MSRB3: variants seen among roughly 807,000 people sequenced by gnomAD.
MSRB3 encodes methionine sulfoxide reductase B3.
Under a neutral mutation model 21.0 loss-of-function variants are expected in MSRB3, and 13 were observed. That is an observed-to-expected ratio of 0.62 (90% CI 0.40 to 0.98). MSRB3 has a LOEUF of 0.98. MSRB3 is among the 50% of genes least tolerant of loss of function. The pLI is 0.00. For missense variants in MSRB3, 199 were observed against 230.3 expected, an observed-to-expected ratio of 0.86 and a Z score of 0.88; for synonymous variants, 87 against 88.6, an observed-to-expected ratio of 0.98 and a Z score of 0.10.
At chr12:65,311,227 A>G (rs1873965922) in intron 2 of MSRB3, among the ~76,000 whole-genome samples, 1 of 152,144 alleles carries the variant, frequency 6.6e-6, no homozygotes, top group Admixed American at 6.6e-5. Flanking sequence ...CTATAAATAT[A>G]CAAGAGATTT....
At chr12:65,385,763 G>A (rs1295012824) in intron 5 of MSRB3, among the ~76,000 whole-genome samples, 1 of 151,902 alleles carries the variant, frequency 6.6e-6, no homozygotes, top group Non-Finnish European at 1.5e-5. Context: ...TATATTTGGT[G>A]TTACTTCTGC....
intron 5 of MSRB3, among the ~76,000 whole-genome samples, chr12:65,428,884 C>T (rs1261924294): frequency 6.6e-6 from 1 of 152,118 alleles, no homozygotes; most frequent in African/African-American, 2.4e-5. Flanking sequence ...CTTGGAATAT[C>T]CTTTTTTTCC....
At chr12:65,454,173 G>T in intron 6 of MSRB3, 1 of 391,972 alleles carries the variant, frequency 2.6e-6, no homozygotes, top group African/African-American at 8.9e-5. Context: ...TGTAGTTCTA[G>T]CTACTCAGGG....
At chr12:65,345,587 T>C (rs943256679) in intron 4 of MSRB3, among the ~76,000 whole-genome samples, 1 of 152,136 alleles carries the variant, frequency 6.6e-6, no homozygotes, top group East Asian at 1.9e-4. Flanking sequence ...ATCTTTTTTT[T>C]ATTATTATTA....
chr12:65,322,450 G>C (rs1428459982), intron 2 of MSRB3, among the ~76,000 whole-genome samples: 2 of 151,968 alleles, frequency 1.3e-5, no homozygotes, highest in East Asian at 3.9e-4. Flanking sequence ...CCTGAGGTCA[G>C]GAGTTCGAGA....
intron 5 of MSRB3, among the ~76,000 whole-genome samples, chr12:65,428,730 T>C (rs1166085351): frequency 6.6e-6 from 1 of 151,754 alleles, no homozygotes; most frequent in East Asian, 1.9e-4. Context: ...TTTCATGACC[T>C]AGACCTTTCT....
At chr12:65,318,850 G>A (rs557604707) in intron 2 of MSRB3, among the ~76,000 whole-genome samples, 7 of 152,132 alleles carry the variant, frequency 4.6e-5, no homozygotes, top group Admixed American at 1.3e-4. Context: ...TTTTTATGGT[G>A]CTTAAAGAAT....
At chr12:65,384,883 A>C (rs994843067) in intron 5 of MSRB3, among the ~76,000 whole-genome samples, 5 of 152,166 alleles carry the variant, frequency 3.3e-5, no homozygotes, top group Non-Finnish European at 5.9e-5. Flanking sequence ...GAAACAGGCC[A>C]TTTTAGAAAG....
Position 65,328,549 on chromosome 12 carries a change from A to G in MSRB3, c.209A>G (p.His70Arg). 6.2e-7 allele frequency: 1 copy of G among 1,612,340 alleles called. No individual in the cohort carries two copies. Among genetic ancestry groups the G allele is most frequent in the Non-Finnish European group, 8.5e-7 (1 of 1,178,634 alleles). Residue 70 changes from histidine (H) to arginine (R), a missense_variant, in exon 4 of 7, where the codon CAT (histidine) becomes CGT (arginine). Physicochemically the swap from His to Arg is conservative, Grantham distance 29 (BLOSUM62 0). Transcript: ENST00000308259. ...TESAFEGEYT[H>R]HKDPGIYKCV... is the part of the protein sequence containing the mutation. ...AGTGCCTTTGAAGGAGAATACACAC[A>G]TCACAAAGATCCTGGAATATATAAA...
At chr12:65,417,096 A>T (rs1881021078) in intron 5 of MSRB3, among the ~76,000 whole-genome samples, 1 of 152,196 alleles carries the variant, frequency 6.6e-6, no homozygotes, top group Non-Finnish European at 1.5e-5. Flanking sequence ...GACCCTCTTT[A>T]CTACTTTCCA....
In MSRB3 at chr12:65,426,105, G is replaced by GC. The variant is rs558768058; in HGVS notation, c.293-27620dup. Among the ~76,000 whole-genome samples, 103 of 152,128 alleles carry GC rather than the reference G, an allele frequency of 6.8e-4. No homozygotes were observed. The Middle Eastern group carries it at 0.01, about 15-fold the overall frequency. ...ACTCCTGAACACAAGCAATCTGCCCGCCCGCCTCAGCCTCCCAAAGTGTTG... is the reference window on the plus strand; with the variant it reads ...ACTCCTGAACACAAGCAATCTGCCCGCCCCGCCTCAGCCTCCCAAAGTGTTG... On this transcript the variant is annotated intron_variant, in intron 5 of 6. Coordinates refer to ENST00000308259, the MANE Select transcript of MSRB3 (RefSeq NM_001031679.3).
rs34940463 is a variant in MSRB3 at position 65,375,013 on chromosome 12, C to CTT, written c.292+6001_292+6002dup. Reference sequence around the variant, plus strand: ...TACAGGCACCCGCCACCACGCCTGGCTTTTTTTTTTTTTTTGTATTTTTAG... The same window carrying CTT: ...TACAGGCACCCGCCACCACGCCTGGCTTTTTTTTTTTTTTTTTGTATTTTTAG... On this transcript the variant is annotated intron_variant, in intron 5 of 6. Transcript: ENST00000308259. 5.8e-3 allele frequency among the ~76,000 whole-genome samples: 811 copies of CTT among 140,292 alleles called. 8 individuals are homozygous for CTT. Among genetic ancestry groups the CTT allele is most frequent in the South Asian group, 0.032 (139 of 4,396 alleles). The allele number at this position is 140,292 out of a possible 152,430, so 92.0% of individuals were successfully genotyped here.
At chr12:65,384,690 G>T (rs1407536736) in intron 5 of MSRB3, among the ~76,000 whole-genome samples, 1 of 151,998 alleles carries the variant, frequency 6.6e-6, no homozygotes, top group Non-Finnish European at 1.5e-5. Context: ...TAGCATAAAT[G>T]TAAAACAAAT....
chr12:65,307,180 A>T (rs1228275457), intron 1 of MSRB3, among the ~76,000 whole-genome samples: 1 of 152,186 alleles, frequency 6.6e-6, no homozygotes, highest in Non-Finnish European at 1.5e-5. Flanking sequence ...CCTGCTCTGC[A>T]GTCACTCGTG....
chr12:65,350,202 C>G (rs1246362421), intron 4 of MSRB3, among the ~76,000 whole-genome samples: 1 of 151,240 alleles, frequency 6.6e-6, no homozygotes, highest in East Asian at 2.0e-4. Context: ...TCAGGTTTGT[C>G]AAAGATCAGA....
At chr12:65,325,858 T>C (rs1477684394) in intron 2 of MSRB3, among the ~76,000 whole-genome samples, 1 of 152,206 alleles carries the variant, frequency 6.6e-6, no homozygotes, top group African/African-American at 2.4e-5. Flanking sequence ...TGGAGTTATA[T>C]TTCTTTTCAG....
At position 65,419,926 on chromosome 12, in the gene MSRB3, T is replaced by G. The variant is rs1532327; in HGVS notation, c.293-33802T>G. On this transcript the variant is annotated intron_variant, in intron 5 of 6. Coordinates refer to ENST00000308259, the MANE Select transcript of MSRB3 (RefSeq NM_001031679.3). ...CCAGTGCCTGCATAGACGTTGGTTG[T>G]GCTGCTGACCAGCCAGGTGCCATAG... 986 of 573,754 alleles carry G rather than the reference T, an allele frequency of 1.7e-3. 4 individuals carry two copies. The highest frequency in any genetic ancestry group is 0.01 in the African/African-American group (546 of 52,454). 35.5% of individuals were successfully genotyped at this position (573,754 alleles called of 1,614,324 possible). A position where few individuals can be genotyped will look rare whatever the true frequency, so the allele number is the denominator to read the frequency against.
At chr12:65,373,791 A>C (rs1878451137) in intron 5 of MSRB3, among the ~76,000 whole-genome samples, 1 of 152,188 alleles carries the variant, frequency 6.6e-6, no homozygotes. Context: ...TATAAAAGGC[A>C]CAACAGAATA....
At chr12:65,279,073 T>G (rs1195935367) in intron 1 of MSRB3, 1 of 1,410,738 alleles carries the variant, frequency 7.1e-7, no homozygotes, top group Non-Finnish European at 9.2e-7. Flanking sequence ...CGGAAGGAGG[T>G]CAGGGCTGGT....
Sources: allele counts gnomAD v4.1 joint callset (sites outside exome capture counted in the v4.1 genomes callset), GRCh38; gene constraint gnomAD v4.1.1; transcripts MANE v1.5; gene names NCBI Gene and HGNC (gene_info 2026-07-23, HGNC 2026-07-21).